Variants in TMEM232 observed in about 807,000 individuals in gnomAD.
TMEM232 encodes transmembrane protein 232.
A neutral mutation model predicts 78.8 loss-of-function variants in TMEM232; 80 were observed. The observed-to-expected ratio is 1.01, with a 90% CI of 0.85 to 1.22. The LOEUF is 1.22. Among genes scored for constraint, TMEM232 ranks in the 50% most tolerant of loss-of-function variants. The pLI is 0.00. For synonymous variants in TMEM232, 297 were observed against 254.3 expected, an observed-to-expected ratio of 1.17 and a Z score of -1.60; for missense variants, 881 against 742.2, an observed-to-expected ratio of 1.19 and a Z score of -2.17.
chr5:110,394,316 G>C (rs567129020), intron 3 of TMEM232, among the ~76,000 whole-genome samples: 1 of 152,220 alleles, frequency 6.6e-6, no homozygotes, highest in South Asian at 2.1e-4. Context: ...GTACTCCATT[G>C]TGTATATGCA....
chr5:110,497,207 C>CATATATAA (rs1360972949), intron 12 of TMEM232, among the ~76,000 whole-genome samples: 4 of 151,898 alleles, frequency 2.6e-5, no homozygotes, highest in Non-Finnish European at 5.9e-5. Flanking sequence ...AAACCTATGG[C>CATATATAA]AGAAATAAAG....
At chr5:110,582,412 A>G (rs1304974053) in intron 10 of TMEM232, among the ~76,000 whole-genome samples, 1 of 152,020 alleles carries the variant, frequency 6.6e-6, no homozygotes, top group Non-Finnish European at 1.5e-5. Context: ...ATAGGAACAG[A>G]AAACCAAATA....
chr5:110,483,115 G>T (rs1466482407), intron 12 of TMEM232, among the ~76,000 whole-genome samples: 2 of 152,000 alleles, frequency 1.3e-5, no homozygotes, highest in African/African-American at 4.8e-5. Flanking sequence ...AATCTATGTT[G>T]TTGGGCATAC....
intron 1 of TMEM232, among the ~76,000 whole-genome samples, chr5:110,688,420 T>C (rs1475038073): frequency 1.3e-5 from 2 of 152,138 alleles, no homozygotes; most frequent in Non-Finnish European, 2.9e-5. Flanking sequence ...GAGAGAGAGA[T>C]GTCTCCTGAG....
chr5:110,430,923 G>A (rs1464380397), intron 12 of TMEM232, among the ~76,000 whole-genome samples: 2 of 151,728 alleles, frequency 1.3e-5, no homozygotes, highest in Non-Finnish European at 3.0e-5. Flanking sequence ...AGGACCTGGA[G>A]AAGTAAGTAA....
intron 1 of TMEM232, among the ~76,000 whole-genome samples, chr5:110,706,736 G>T (rs959637140): frequency 1.3e-5 from 2 of 152,044 alleles, no homozygotes; most frequent in African/African-American, 4.8e-5. Flanking sequence ...TCTCAAGAGC[G>T]CCTAAAGAAA....
At chr5:110,638,060 A>C (rs1786125177) in intron 5 of TMEM232, 138 bp downstream of exon 5, 1 of 634,286 alleles carries the variant, frequency 1.6e-6, no homozygotes, top group South Asian at 3.5e-5. Flanking sequence ...ACTCACAATT[A>C]GAGAAGATTA....
chr5:110,397,697 G>C (rs1755441478), intron 3 of TMEM232: 1 of 152,260 alleles, frequency 6.6e-6, no homozygotes, highest in Non-Finnish European at 1.5e-5. Context: ...AGAATAAGTT[G>C]GTTTCTTTCT....
intron 12 of TMEM232, among the ~76,000 whole-genome samples, chr5:110,515,016 T>C (rs1768392223): frequency 6.6e-6 from 1 of 152,196 alleles, no homozygotes; most frequent in South Asian, 2.1e-4. Flanking sequence ...ATAAAGTTCA[T>C]ATGAGGGAGA....
At chr5:110,518,586 A>C (rs921726155) in intron 12 of TMEM232, among the ~76,000 whole-genome samples, 1 of 152,152 alleles carries the variant, frequency 6.6e-6, no homozygotes, top group African/African-American at 2.4e-5. Flanking sequence ...CCCCAAATCT[A>C]TATGTCTTCC....
At chr5:110,575,741 G>A (rs1015392666) in intron 10 of TMEM232, among the ~76,000 whole-genome samples, 1 of 151,986 alleles carries the variant, frequency 6.6e-6, no homozygotes, top group Non-Finnish European at 1.5e-5. Context: ...GAGAAGCAGT[G>A]AGTGAATGTG....
intron 12 of TMEM232, among the ~76,000 whole-genome samples, chr5:110,527,155 C>A (rs1313620672): frequency 2.6e-5 from 4 of 151,758 alleles, no homozygotes; most frequent in African/African-American, 4.8e-5. Context: ...AACTTTCTAA[C>A]TTTAATGTAT....
intron 7 of TMEM232, among the ~76,000 whole-genome samples, chr5:110,623,535 T>C (rs1471027955): frequency 1.3e-5 from 2 of 152,172 alleles, no homozygotes; most frequent in African/African-American, 4.8e-5. Context: ...TTTATGTCTT[T>C]TTTCCTCTTT....
intron 13 of TMEM232, among the ~76,000 whole-genome samples, chr5:110,422,005 C>T (rs1419613460): frequency 6.6e-6 from 1 of 152,084 alleles, no homozygotes; most frequent in African/African-American, 2.4e-5. Flanking sequence ...GCAAAACCTC[C>T]AGAATAGTCA....
At chr5:110,636,908 T>G (rs1260926073) in intron 5 of TMEM232, among the ~76,000 whole-genome samples, 1 of 152,034 alleles carries the variant, frequency 6.6e-6, no homozygotes, top group African/African-American at 2.4e-5. Context: ...GTGCAAAGTA[T>G]AAGCAATATG....
chr5:110,717,170 T>C (rs924786230), intron 1 of TMEM232, among the ~76,000 whole-genome samples: 4 of 151,918 alleles, frequency 2.6e-5, no homozygotes, highest in African/African-American at 9.7e-5. Context: ...ACATTTTCAG[T>C]ATTTGTTACC....
intron 2 of TMEM232, among the ~76,000 whole-genome samples, chr5:110,412,732 A>C (rs1475417846): frequency 6.6e-6 from 1 of 152,152 alleles, no homozygotes; most frequent in South Asian, 2.1e-4. Context: ...TTCAAATGGA[A>C]AGATACTAGG....
At chr5:110,605,682 C>G (rs1369337652) in intron 9 of TMEM232, among the ~76,000 whole-genome samples, 2 of 152,078 alleles carry the variant, frequency 1.3e-5, no homozygotes, top group Non-Finnish European at 2.9e-5. Flanking sequence ...GTGTGTGACA[C>G]TTTCATTTAT....
At chr5:110,616,659 T>A (rs1205820754) in intron 8 of TMEM232, among the ~76,000 whole-genome samples, 1 of 152,022 alleles carries the variant, frequency 6.6e-6, no homozygotes, top group African/African-American at 2.4e-5. Flanking sequence ...AACAGACATT[T>A]CTCAAAAGAA....
Sources: gnomAD v4.1 joint callset for allele counts (sites outside exome capture counted in the v4.1 genomes callset) on GRCh38, gnomAD v4.1.1 for gene constraint, MANE v1.5 for transcripts, NCBI Gene and HGNC (gene_info 2026-07-23, HGNC 2026-07-21) for gene names.